Variants in PRPF6 observed in about 807,000 individuals in gnomAD.
The protein encoded by PRPF6 is pre-mRNA processing factor 6.
Under a neutral mutation model 118.3 loss-of-function variants are expected in PRPF6, and 42 were observed. The observed-to-expected ratio is 0.35, with a 90% CI of 0.28 to 0.46. The LOEUF is 0.46. PRPF6 is among the 20% of genes least tolerant of loss of function. The pLI, the probability that PRPF6 is intolerant of heterozygous loss-of-function variation, is 1.00. For missense variants in PRPF6, 662 were observed against 1,255.7 expected (o/e 0.53, Z 7.15); for synonymous variants, 481 against 485.1 (o/e 0.99, Z 0.11).
At chr20:64,002,635 C>CAGATT (rs1381644802) in intron 9 of PRPF6, among the ~76,000 whole-genome samples, 3 of 147,548 alleles carry the variant, frequency 2.0e-5, no homozygotes, top group Non-Finnish European at 1.5e-5. Context: ...TGTGCCTGGC[C>CAGATT]TTTTCTTTTC....
intron 13 of PRPF6, 142 bp from the exon 14 acceptor site, chr20:64,024,413 A>G (rs2059278746): frequency 6.4e-6 from 7 of 1,087,244 alleles, no homozygotes; most frequent in Non-Finnish European, 9.7e-6. Flanking sequence ...CACTCTCCCC[A>G]TTGTAAAATC....
At chr20:64,001,385 GCCCTTGGACC>G in intron 9 of PRPF6, 146 bp downstream of exon 9, 1 of 979,412 alleles carries the variant, frequency 1.0e-6, no homozygotes, top group Non-Finnish European at 1.5e-6. Context: ...GGTTGCCTCT[GCCCTTGGACC>G]CCCATGGGGG....
chr20:64,011,313 C>T lies in PRPF6; in HGVS notation c.1334C>T (p.Thr445Ile). 1.2e-6 allele frequency: 2 copies of T among 1,614,188 alleles called. No homozygotes were observed. The highest frequency in any genetic ancestry group is 1.7e-6 in the Non-Finnish European group (2 of 1,180,042). Residue 445 changes from threonine to isoleucine, a missense_variant, in exon 11 of 21, where the codon ACC becomes ATC. Thr to Ile is a moderately conservative substitution (Grantham distance 89). Coordinates refer to ENST00000266079, the MANE Select transcript of PRPF6 (RefSeq NM_012469.4). The surrounding 1 kb of genome is among the most constrained non-coding windows in gnomAD (Gnocchi z 6.7). The stretch of plus-strand genomic sequence containing the variant: ...TGGCTTGCTCTGGCAAGGCTGGAGA[C>T]CTATGAAAATGCCCGCAAGGTCTTG... ...ELWLALARLE[T>I]YENARKVLNK...
Position 64,026,441 on chromosome 20 carries a change from G to C in PRPF6, c.2028+383G>C, listed in dbSNP as rs555942960. ...GAATCGCTTGAACCCCGGGGGTGGA[G>C]GTTGCGGTGAGCTGAGATCGCGCCA... On this transcript the variant is annotated intron_variant, in intron 15 of 20. Coordinates refer to ENST00000266079, the MANE Select transcript of PRPF6 (RefSeq NM_012469.4). This position sits in a 1 kb window ranked among gnomAD's most constrained non-coding sequence, Gnocchi z 4.4. 1.3e-5 allele frequency among the ~76,000 whole-genome samples: 2 copies of C among 152,292 alleles called. No individual in the cohort carries two copies. The highest frequency in any genetic ancestry group is 4.1e-4 in the South Asian group (2 of 4,832).
chr20:64,003,334 C>T (rs2185031), intron 9 of PRPF6, among the ~76,000 whole-genome samples: 120,564 of 152,174 alleles, frequency 0.79, 48,099 homozygotes, highest in East Asian at 0.96. Context: ...TCTTGTTTTT[C>T]CAAATGTCTT....
intron 14 of PRPF6, among the ~76,000 whole-genome samples, chr20:64,025,597 A>G (rs186762057): frequency 6.6e-6 from 1 of 152,326 alleles, no homozygotes; most frequent in East Asian, 1.9e-4. Flanking sequence ...GTCTACCAGT[A>G]TAGGATGCGA....
chr20:64,016,195 T>G (rs1036457464), intron 11 of PRPF6, among the ~76,000 whole-genome samples: 1 of 151,882 alleles, frequency 6.6e-6, no homozygotes, highest in Admixed American at 6.6e-5. Context: ...GATCTTGGCT[T>G]ACTGCAACCT....
intron 3 of PRPF6, among the ~76,000 whole-genome samples, chr20:63,987,904 C>T (rs868842849): frequency 3.3e-5 from 5 of 151,776 alleles, no homozygotes; most frequent in Middle Eastern, 3.4e-3. Flanking sequence ...CAAAAATGGC[C>T]GGGCACGGTG....
Position 64,024,535 on chromosome 20 carries a change from C to T in PRPF6, c.1770-20C>T, listed in dbSNP as rs778758066. Reference sequence around the variant, plus strand: ...GGTTTATGGCCCTGCCTCTGGTGACCGTGGCCTCTTATCTTGCAGGGAGTC... The same window carrying T: ...GGTTTATGGCCCTGCCTCTGGTGACTGTGGCCTCTTATCTTGCAGGGAGTC... On this transcript the variant is annotated intron_variant, in intron 13 of 20. Coordinates refer to ENST00000266079, the MANE Select transcript of PRPF6 (RefSeq NM_012469.4). The T allele has an allele frequency of 8.1e-6, 13 of 1,613,178 alleles. No individual in the cohort carries two copies. The highest frequency in any genetic ancestry group is 2.7e-5 in the African/African-American group (2 of 75,054).
intron 8 of PRPF6, among the ~76,000 whole-genome samples, 175 bp downstream of exon 8, chr20:63,999,934 G>A (rs2059159034): frequency 6.6e-6 from 1 of 150,908 alleles, no homozygotes; most frequent in African/African-American, 2.4e-5. Context: ...GTTTTCATGT[G>A]GAGTGAAGGC....
Position 64,022,889 on chromosome 20 carries a change from G to A in PRPF6, c.1769+11G>A, listed in dbSNP as rs1425741561. Reference sequence around the variant, plus strand: ...GAACCATGGCACTCGGTATGTGGTGGGACCCGCCTGCCCAAGGGTGCTAAT... The same window carrying A: ...GAACCATGGCACTCGGTATGTGGTGAGACCCGCCTGCCCAAGGGTGCTAAT... On this transcript the variant is annotated intron_variant, in intron 13 of 20. Coordinates refer to ENST00000266079, the MANE Select transcript of PRPF6 (RefSeq NM_012469.4). 1.2e-6 allele frequency: 2 copies of A among 1,613,796 alleles called. No individual in the cohort carries two copies. Among genetic ancestry groups the A allele is most frequent in the African/African-American group, 1.3e-5 (1 of 74,922 alleles).
At chr20:63,999,453 C>G in intron 7 of PRPF6, 150 bp from the exon 8 acceptor site, 2 of 1,049,258 alleles carry the variant, frequency 1.9e-6, no homozygotes, top group Middle Eastern at 3.0e-4. Flanking sequence ...TGGAATAGTG[C>G]GCACTGAGGT....
At chr20:64,005,450 A>G (rs1207809096) in intron 9 of PRPF6, among the ~76,000 whole-genome samples, 1 of 152,168 alleles carries the variant, frequency 6.6e-6, no homozygotes, top group East Asian at 1.9e-4. Flanking sequence ...CAGGAAAAAC[A>G]ACTGGGTCGT....
In PRPF6 at chr20:63,981,139, A is replaced by C; in HGVS notation, c.-107A>C. 1 of 1,221,850 alleles carries C rather than the reference A, an allele frequency of 8.2e-7. No individual in the cohort carries two copies. Among genetic ancestry groups the C allele is most frequent in the Non-Finnish European group, 1.2e-6 (1 of 848,548 alleles). The allele number at this position is 1,221,850 out of a possible 1,614,324, so 75.7% of individuals were successfully genotyped here. ...GGGCGCGGGTGACGCGACGACGGCG[A>C]CACTTTGCTACGGAGTGCATCGGAC... On this transcript the variant is annotated 5_prime_UTR_variant, in exon 1 of 21. Coordinates refer to ENST00000266079, the MANE Select transcript of PRPF6 (RefSeq NM_012469.4).
intron 4 of PRPF6, among the ~76,000 whole-genome samples, chr20:63,993,736 A>AGATTTTC (rs2059128993): frequency 6.6e-6 from 1 of 151,772 alleles, no homozygotes; most frequent in Admixed American, 6.6e-5. Context: ...TTTATACCTA[A>AGATTTTC]GATTTTCTTT....
chr20:64,026,506 G>GCAA lies in PRPF6; in HGVS notation c.2029-460_2029-458dup, dbSNP rs764615574. ...GGGCAGCAAGAGGGAAACTGTCTCA[G>GCAA]CAACAACAACAACAACAAACATGTT... On this transcript the variant is annotated intron_variant, in intron 15 of 20. Transcript: ENST00000266079. This position sits in a 1 kb window ranked among gnomAD's most constrained non-coding sequence, Gnocchi z 4.4. 1.6e-4 allele frequency among the ~76,000 whole-genome samples: 23 copies of GCAA among 143,158 alleles called. No individual in the cohort carries two copies. The highest frequency in any genetic ancestry group is 2.1e-4 in the East Asian group (1 of 4,658). The allele number at this position is 143,158 out of a possible 152,430, so 93.9% of individuals were successfully genotyped here. A position where few individuals can be genotyped will look rare whatever the true frequency, so the allele number is the denominator to read the frequency against.
intron 12 of PRPF6, among the ~76,000 whole-genome samples, chr20:64,019,092 G>GTTTT (rs766307130): frequency 2.0e-4 from 24 of 119,106 alleles, no homozygotes; most frequent in African/African-American, 6.6e-4. Context: ...TTTGTTGTTG[G>GTTTT]TTTTTTTTTT....
At chr20:63,992,321 G>A (rs1321259312) in intron 3 of PRPF6, among the ~76,000 whole-genome samples, 2 of 152,074 alleles carry the variant, frequency 1.3e-5, no homozygotes, top group Non-Finnish European at 2.9e-5. Context: ...GAGTGCAATG[G>A]CATGATCTTG....
In PRPF6 at chr20:64,026,010, G is replaced by A. The variant is rs772486327; in HGVS notation, c.1980G>A (p.Arg660=). ...KLESENDEYE[R]ARRLLAKARS... ...AGTCCGAGAATGATGAGTACGAGCG[G>A]GCCCGGAGGCTGCTGGCCAAGGCGC... The change falls in exon 15 of 21, where the codon CGG becomes CGA. Residue 660 remains arginine, a synonymous_variant. Coordinates refer to ENST00000266079, the MANE Select transcript of PRPF6 (RefSeq NM_012469.4). This position sits in a 1 kb window ranked among gnomAD's most constrained non-coding sequence, Gnocchi z 4.4. The A allele has an allele frequency of 1.2e-6, 2 of 1,611,774 alleles. No individual in the cohort carries two copies. Among genetic ancestry groups the A allele is most frequent in the Non-Finnish European group, 1.7e-6 (2 of 1,180,030 alleles).
Sources: gnomAD v4.1 joint callset for allele counts (sites outside exome capture counted in the v4.1 genomes callset) on GRCh38, gnomAD v4.1.1 for gene constraint, Gnocchi (gnomAD v3.1) non-coding constraint, MANE v1.5 for transcripts, NCBI Gene and HGNC (gene_info 2026-07-23, HGNC 2026-07-21) for gene names.